EVI5: variants seen among roughly 807,000 people sequenced by gnomAD.
EVI5 encodes ecotropic viral integration site 5 protein homolog.
A neutral mutation model predicts 112.0 loss-of-function variants in EVI5; 73 were observed. That is an observed-to-expected ratio of 0.65 (90% CI 0.54 to 0.79). The LOEUF (loss-of-function observed/expected upper bound fraction) is 0.79. Among genes scored for constraint, EVI5 ranks in the 30% least tolerant of loss-of-function variants. EVI5 has a pLI of 0.00. For synonymous variants in EVI5, 305 were observed against 319.9 expected (o/e 0.95, Z 0.50); for missense variants, 900 against 968.8 (o/e 0.93, Z 0.94).
rs1438945008 is a variant in EVI5 at position 92,692,305 on chromosome 1, C to A, written c.1097+1497G>T. ...TTAAGGAACCTCATTCTCTATCAGA[C>A]TTTTAAAGTCAAATAAATTCTCTGC... On this transcript the variant is annotated intron_variant, in intron 9 of 19. Transcript: ENST00000684568. Among the ~76,000 whole-genome samples the A allele has an allele frequency of 6.6e-5, 10 of 152,278 alleles. No individual in the cohort carries two copies. The South Asian group carries it at 2.1e-3, about 32-fold the overall frequency.
chr1:92,635,313 G>A (rs878966956), intron 14 of EVI5, among the ~76,000 whole-genome samples: 1 of 152,234 alleles, frequency 6.6e-6, no homozygotes, highest in African/African-American at 2.4e-5. Context: ...TCCTTGAGCT[G>A]CAGTGGGCTC....
chr1:92,734,668 A>G (rs1019826747), intron 2 of EVI5, among the ~76,000 whole-genome samples: 4 of 146,608 alleles, frequency 2.7e-5, no homozygotes, highest in African/African-American at 9.9e-5. Flanking sequence ...GGAATGCTCA[A>G]AGATAAATAA....
At chr1:92,648,086 C>T (rs1661311069) in intron 13 of EVI5, among the ~76,000 whole-genome samples, 1 of 142,842 alleles carries the variant, frequency 7.0e-6, no homozygotes, top group African/African-American at 2.5e-5. Context: ...GTGGCTCACG[C>T]CTGTAATCCC....
intron 1 of EVI5, among the ~76,000 whole-genome samples, chr1:92,777,182 G>C (rs1324062848): frequency 2.0e-5 from 3 of 151,892 alleles, no homozygotes; most frequent in Non-Finnish European, 4.4e-5. Flanking sequence ...AGGTGATCCA[G>C]CTGCCTCAGA....
At chr1:92,706,843 T>C (rs1213914190) in intron 2 of EVI5, among the ~76,000 whole-genome samples, 1 of 152,160 alleles carries the variant, frequency 6.6e-6, no homozygotes, top group Non-Finnish European at 1.5e-5. Flanking sequence ...TTAAAATAGA[T>C]AAGCCTAAAT....
At chr1:92,617,074 A>G (rs1338240358) in intron 16 of EVI5, among the ~76,000 whole-genome samples, 1 of 152,234 alleles carries the variant, frequency 6.6e-6, no homozygotes, top group Non-Finnish European at 1.5e-5. Flanking sequence ...ACAGAGGAAG[A>G]GAAGACCAGG....
At chr1:92,770,318 A>C (rs1226443079) in intron 1 of EVI5, among the ~76,000 whole-genome samples, 2 of 152,188 alleles carry the variant, frequency 1.3e-5, no homozygotes, top group East Asian at 3.8e-4. Flanking sequence ...ATAAATATAA[A>C]TGTACTATAC....
chr1:92,738,713 TTTAA>T (rs1282306937), intron 1 of EVI5, among the ~76,000 whole-genome samples: 8 of 152,174 alleles, frequency 5.3e-5, no homozygotes, highest in African/African-American at 1.9e-4. Context: ...AGTTAGAGTA[TTTAA>T]TTGCATCTGC....
chr1:92,606,277 C>T (rs1650359086), intron 17 of EVI5, among the ~76,000 whole-genome samples: 1 of 152,164 alleles, frequency 6.6e-6, no homozygotes, highest in South Asian at 2.1e-4. Flanking sequence ...CCAAAGAACA[C>T]TTTACTTTGC....
intron 1 of EVI5, among the ~76,000 whole-genome samples, chr1:92,773,369 A>C (rs1683697759): frequency 6.6e-6 from 1 of 152,350 alleles, no homozygotes; most frequent in South Asian, 2.1e-4. Context: ...TGACCAAAAG[A>C]AGCAGACACA....
chr1:92,726,266 G>A (rs1675559360), intron 2 of EVI5, among the ~76,000 whole-genome samples: 1 of 152,118 alleles, frequency 6.6e-6, no homozygotes, highest in Non-Finnish European at 1.5e-5. Flanking sequence ...GAATCAAATT[G>A]CTTAAAACCA....
intron 1 of EVI5, among the ~76,000 whole-genome samples, chr1:92,754,981 A>G (rs951461686): frequency 3.9e-5 from 6 of 152,048 alleles, no homozygotes; most frequent in Non-Finnish European, 7.4e-5. Flanking sequence ...ACATGTAAGT[A>G]TAATGTTATA....
At chr1:92,789,480 T>G (rs190050617), upstream of EVI5, among the ~76,000 whole-genome samples, 12 of 152,258 alleles carry the variant, frequency 7.9e-5, no homozygotes, top group East Asian at 2.3e-3. Flanking sequence ...TTTTTTGTAT[T>G]TTTAGTAGAA....
chr1:92,681,634 T>C (rs987473471), intron 9 of EVI5, among the ~76,000 whole-genome samples: 3 of 152,168 alleles, frequency 2.0e-5, no homozygotes, highest in African/African-American at 4.8e-5. Flanking sequence ...AACCAGATCA[T>C]GTCACTTTTC....
At chr1:92,787,911 A>G (rs1021213841), upstream of EVI5, among the ~76,000 whole-genome samples, 7 of 152,198 alleles carry the variant, frequency 4.6e-5, no homozygotes, top group Non-Finnish European at 8.8e-5. Flanking sequence ...TGAATTATCT[A>G]TGTGAAGATA....
chr1:92,762,794 C>T (rs1368340395), intron 1 of EVI5, among the ~76,000 whole-genome samples: 1 of 151,988 alleles, frequency 6.6e-6, no homozygotes, highest in Non-Finnish European at 1.5e-5. Context: ...TGTAGTAAAA[C>T]CAGTATTTTT....
intron 10 of EVI5, 78 bp from the exon 11 acceptor site, chr1:92,666,070 T>A (rs1322964130): frequency 1.2e-6 from 1 of 848,486 alleles, no homozygotes; most frequent in Non-Finnish European, 1.9e-6. Context: ...GTCCTGAAAA[T>A]GTATCACCTT....
chr1:92,692,964 A>C (rs1309761151), intron 9 of EVI5, among the ~76,000 whole-genome samples: 1 of 152,180 alleles, frequency 6.6e-6, no homozygotes, highest in East Asian at 1.9e-4. Flanking sequence ...TAATACACTT[A>C]ATCTGTTTCA....
Position 92,736,515 on chromosome 1 carries a change from G to A in EVI5, c.32C>T (p.Ser11Leu). The A allele has an allele frequency of 3.7e-6, 6 of 1,613,732 alleles. No homozygotes were observed. The highest frequency in any genetic ancestry group is 5.1e-6 in the Non-Finnish European group (6 of 1,179,684). ...GGTAGATGAGGATGTGGTATGTAATGAAGTAGATGGACTTGCCACCTGACT... is the reference window on the plus strand; with the variant it reads ...GGTAGATGAGGATGTGGTATGTAATAAAGTAGATGGACTTGCCACCTGACT... MASQVASPSTSLHTTSSSTTL... is the reference protein window; with the variant it reads MASQVASPSTLLHTTSSSTTL... Residue 11 changes from serine to leucine, a missense_variant, in exon 2 of 20, where the codon TCA becomes TTA. Ser to Leu is a moderately radical substitution (Grantham distance 145, BLOSUM62 -2). Coordinates refer to ENST00000684568, the MANE Select transcript of EVI5 (RefSeq NM_001350197.2).
Sources: gnomAD v4.1 joint callset for allele counts (sites outside exome capture counted in the v4.1 genomes callset) on GRCh38, gnomAD v4.1.1 for gene constraint, MANE v1.5 for transcripts, NCBI Gene and HGNC (gene_info 2026-07-23, HGNC 2026-07-21) for gene names.